Variants in ZGRF1 observed in about 807,000 individuals in gnomAD.
ZGRF1 encodes 5'-3' DNA helicase ZGRF1.
In ZGRF1, 196 loss-of-function variants were observed where a neutral mutation model predicts 203.5. The observed-to-expected ratio is 0.96, with a 90% CI of 0.86 to 1.08. The LOEUF (loss-of-function observed/expected upper bound fraction) is 1.08. Ranked by LOEUF, ZGRF1 falls within the 50% of genes least tolerant of loss-of-function variation. The probability of loss-of-function intolerance (pLI) is 0.00; values close to 1 mark genes in which losing one functional copy is unlikely to be tolerated. For missense variants in ZGRF1, 2,326 were observed against 2,416.3 expected (o/e 0.96, Z 0.78); for synonymous variants, 809 against 841.3 (o/e 0.96, Z 0.66).
Position 112,539,528 on chromosome 4 carries a change from A to G in ZGRF1, c.*19T>C. ...GAGTCTGAATTTACATAAATACAAA[A>G]TATTTACACCATGTCTTTTTATGAA... On this transcript the variant is annotated 3_prime_UTR_variant, in exon 28 of 28. Coordinates refer to ENST00000505019, the MANE Select transcript of ZGRF1 (RefSeq NM_018392.5). 1 of 1,181,282 alleles carries G rather than the reference A, an allele frequency of 8.5e-7. No individual in the cohort carries two copies. Among genetic ancestry groups the G allele is most frequent in the Non-Finnish European group, 1.2e-6 (1 of 824,098 alleles). The allele number at this position is 1,181,282 out of a possible 1,614,324, so 73.2% of individuals were successfully genotyped here.
At chr4:112,625,597 A>AAAAAAG (rs1554005571) in intron 3 of ZGRF1, among the ~76,000 whole-genome samples, 2 of 147,894 alleles carry the variant, frequency 1.4e-5, no homozygotes, top group South Asian at 2.2e-4. Context: ...AAAAAAAAAA[A>AAAAAAG]AAAAGAAAAG....
rs185446368 is a variant in ZGRF1, at chr4:112,603,762, A to G, written c.2803-65T>C. ...ATGTTGACATATATATTCACAAAGT[A>G]AACACACAGAATACAATACATAATT... On this transcript the variant is annotated intron_variant, in intron 9 of 27. Coordinates refer to ENST00000505019, the MANE Select transcript of ZGRF1 (RefSeq NM_018392.5). 3.6e-4 allele frequency: 435 copies of G among 1,215,854 alleles called. 2 individuals carry two copies. The African/African-American group carries it at 5.9e-3, about 17-fold the overall frequency. The allele number at this position is 1,215,854 out of a possible 1,614,324, so 75.3% of individuals were successfully genotyped here.
At chr4:112,621,509 C>T (rs1160333864) in intron 4 of ZGRF1, among the ~76,000 whole-genome samples, 6 of 151,508 alleles carry the variant, frequency 4.0e-5, no homozygotes, top group South Asian at 4.2e-4. Context: ...ACAAATTAGC[C>T]GGGTGTGGTG....
At chr4:112,581,829 G>A in intron 15 of ZGRF1, 27 bp from the exon 16 acceptor site, 1 of 1,178,438 alleles carries the variant, frequency 8.5e-7, no homozygotes, top group Non-Finnish European at 1.1e-6. Context: ...AAATAAAAAT[G>A]AATTGTAATA....
intron 22 of ZGRF1, 55 bp from the exon 23 acceptor site, chr4:112,548,435 A>G: frequency 7.1e-7 from 1 of 1,404,320 alleles, no homozygotes; most frequent in South Asian, 1.4e-5. Flanking sequence ...AAATAAGAGA[A>G]CGTATTTACC....
At chr4:112,617,316 T>G (rs1578460928) in intron 6 of ZGRF1, 124 bp downstream of exon 6, 2 of 636,552 alleles carry the variant, frequency 3.1e-6, no homozygotes, top group South Asian at 6.6e-5. Context: ...TTTTACCAAG[T>G]ACATGTATTA....
chr4:112,586,635 A>G, intron 12 of ZGRF1, 52 bp from the exon 13 acceptor site: 5 of 1,297,030 alleles, frequency 3.9e-6, no homozygotes, highest in Non-Finnish European at 5.2e-6. Context: ...AATACTGTTT[A>G]CTAAAGAGTA....
At chr4:112,572,732 A>C (rs1418302565) in intron 16 of ZGRF1, among the ~76,000 whole-genome samples, 1 of 152,230 alleles carries the variant, frequency 6.6e-6, no homozygotes, top group Non-Finnish European at 1.5e-5. Flanking sequence ...TCCCATCAAA[A>C]AGTGGGCTAA....
chr4:112,573,167 T>TACATAC (rs1553987588), intron 16 of ZGRF1, among the ~76,000 whole-genome samples: 15 of 145,514 alleles, frequency 1.0e-4, no homozygotes, highest in Middle Eastern at 3.2e-3. Flanking sequence ...GAAATTGTGA[T>TACATAC]ACACACACAC....
chr4:112,633,080 T>C, intron 2 of ZGRF1, 76 bp downstream of exon 2: 19 of 1,303,012 alleles, frequency 1.5e-5, no homozygotes, highest in Non-Finnish European at 2.1e-5. Context: ...CACAGCAAGA[T>C]GTTTGTGAAA....
chr4:112,624,085 C>T (rs1328803312), intron 3 of ZGRF1: 10 of 356,954 alleles, frequency 2.8e-5, no homozygotes, highest in Admixed American at 1.5e-4. Context: ...AAAAGAAATT[C>T]GGGCAACCCG....
intron 10 of ZGRF1, among the ~76,000 whole-genome samples, chr4:112,603,077 C>A (rs1192178651): frequency 6.7e-6 from 1 of 149,068 alleles, no homozygotes; most frequent in Non-Finnish European, 1.5e-5. Context: ...AAAAAAAAAT[C>A]TCTTTGATGA....
chr4:112,539,531 T>TTTA lies in ZGRF1; in HGVS notation c.*13_*15dup. On this transcript the variant is annotated 3_prime_UTR_variant, in exon 28 of 28. Transcript: ENST00000505019. ...TCTGAATTTACATAAATACAAAATA[T>TTTA]TTACACCATGTCTTTTTATGAATGA... 1 of 1,205,850 alleles carries TTTA rather than the reference T, an allele frequency of 8.3e-7. No homozygotes were observed. Among genetic ancestry groups the TTTA allele is most frequent in the Non-Finnish European group, 1.2e-6 (1 of 842,688 alleles). 74.7% of individuals were successfully genotyped at this position (1,205,850 alleles called of 1,614,324 possible).
intron 9 of ZGRF1, chr4:112,605,637 C>T (rs892906187): frequency 1.0e-5 from 2 of 198,022 alleles, no homozygotes; most frequent in African/African-American, 4.8e-5. Flanking sequence ...CTTCTATATA[C>T]TCAGAAGTAT....
At chr4:112,547,638 G>A (rs1314359581) in intron 23 of ZGRF1, among the ~76,000 whole-genome samples, 2 of 152,084 alleles carry the variant, frequency 1.3e-5, no homozygotes, top group South Asian at 2.1e-4. Context: ...AACCTAGTAG[G>A]TGCCCCTTGC....
At chr4:112,635,119 G>C in intron 1 of ZGRF1, among the ~76,000 whole-genome samples, 1 of 134,352 alleles carries the variant, frequency 7.4e-6, no homozygotes, top group African/African-American at 2.8e-5. Context: ...GACAGAGCGA[G>C]ACTCCATCTC....
In ZGRF1 at chr4:112,589,851, G is replaced by C. The variant is rs143645902; in HGVS notation, c.3000C>G (p.Ile1000Met). 6.2e-6 allele frequency: 10 copies of C among 1,605,396 alleles called. No homozygotes were observed. In the African/African-American group the frequency reaches 6.7e-5, roughly 11 times the overall value. Reference sequence around the variant, plus strand: ...AGGTAGAAACAGGGCTCAATGTAGAGATGTTTTCTTCTGGTGATGTCACCT... The same window carrying C: ...AGGTAGAAACAGGGCTCAATGTAGACATGTTTTCTTCTGGTGATGTCACCT... ...FLQVTSPEEN[I>M]STLSPVSTFS... Residue 1000 changes from isoleucine (I) to methionine (M), a missense_variant, in exon 11 of 28, where the codon ATC (isoleucine) becomes ATG (methionine). Ile to Met is a conservative substitution (Grantham distance 10). Transcript: ENST00000505019.
At chr4:112,585,478 A>T in intron 14 of ZGRF1, 63 bp downstream of exon 14, 1 of 1,290,232 alleles carries the variant, frequency 7.8e-7, no homozygotes, top group Non-Finnish European at 1.1e-6. Flanking sequence ...ATGAAGTAAT[A>T]GGTATCTAAA....
rs747087242 is a variant in ZGRF1, at chr4:112,618,425, G to A, written c.1617C>T (p.Thr539=). The change falls in exon 6 of 28, where the codon ACC becomes ACT. Residue 539 remains threonine (T), a synonymous_variant. Transcript: ENST00000505019. ...CCTGTGATTCCTCCTCAGTGTCACT[G>A]GTCTCAAAATTGTTCAGATTAAAAG... is the stretch of plus-strand genomic sequence containing the variant. ...EVTFNLNNFE[T]SDTEEESQES... 68 of 1,613,586 alleles carry A rather than the reference G, an allele frequency of 4.2e-5. No homozygotes were observed. Among genetic ancestry groups the A allele is most frequent in the Middle Eastern group, 1.6e-4 (1 of 6,080 alleles).
Sources: allele counts gnomAD v4.1 joint callset (sites outside exome capture counted in the v4.1 genomes callset), GRCh38; gene constraint gnomAD v4.1.1; transcripts MANE v1.5; gene names NCBI Gene and HGNC (gene_info 2026-07-23, HGNC 2026-07-21).